The following AOPEP variants were observed in gnomAD, a reference collection of about 807,000 sequenced individuals.
AOPEP encodes the protein aminopeptidase O (putative), also known as aminopeptidase O.
AOPEP carries 77 observed loss-of-function variants against 98.1 expected under a neutral mutation model. The observed-to-expected ratio is 0.78, with a 90% CI of 0.65 to 0.95. The LOEUF (loss-of-function observed/expected upper bound fraction) is 0.95, where lower values mean the gene tolerates loss of function less well. Among genes scored for constraint, AOPEP ranks in the 40% least tolerant of loss-of-function variants. The probability of loss-of-function intolerance (pLI) is 0.00; values close to 1 mark genes in which losing one functional copy is unlikely to be tolerated. For missense variants in AOPEP, 1,024 were observed against 1,024.7 expected, an observed-to-expected ratio of 1.00 and a Z score of 0.01; for synonymous variants, 346 against 365.3, an observed-to-expected ratio of 0.95 and a Z score of 0.60.
the AOPEP span, among the ~76,000 whole-genome samples, chr9:95,138,292 T>C: frequency 1.3e-5 from 2 of 152,278 alleles, no homozygotes; most frequent in East Asian, 3.9e-4. Context: ...AGCAGAACAG[T>C]GGGCAGCTTT....
rs557537763 is a variant in AOPEP at position 95,057,228 on chromosome 9, G to A, written c.2116-3466G>A. On this transcript the variant is annotated intron_variant, in intron 13 of 16. Coordinates refer to ENST00000375315, the MANE Select transcript of AOPEP (RefSeq NM_001193329.3). The stretch of plus-strand genomic sequence containing the variant: ...ACGACCAAAGCCTTATCTCTCTCCC[G>A]CCAGTGCTGCTGTATTAAACACAGC... Among the ~76,000 whole-genome samples, 5 of 152,246 alleles carry A rather than the reference G, an allele frequency of 3.3e-5. No homozygotes were observed. In the South Asian group the frequency reaches 8.3e-4, roughly 25 times the overall value.
At chr9:94,961,130 A>T (rs1248338085) in intron 9 of AOPEP, among the ~76,000 whole-genome samples, 1 of 152,084 alleles carries the variant, frequency 6.6e-6, no homozygotes, top group African/African-American at 2.4e-5. Flanking sequence ...GACATGGCTC[A>T]GCTGCTTTCT....
chr9:94,751,380 G>A (rs759798255), intron 1 of AOPEP, among the ~76,000 whole-genome samples: 8 of 152,118 alleles, frequency 5.3e-5, no homozygotes, highest in Non-Finnish European at 1.0e-4. Flanking sequence ...AAATAATCAA[G>A]CAGACACATG....
At chr9:94,887,222 C>T (rs925752186) in intron 5 of AOPEP, among the ~76,000 whole-genome samples, 1 of 151,994 alleles carries the variant, frequency 6.6e-6, no homozygotes, top group African/African-American at 2.4e-5. Context: ...GTGGCATGCA[C>T]CTGTAGTCCC....
intron 14 of AOPEP, among the ~76,000 whole-genome samples, chr9:95,072,056 G>A (rs1202948258): frequency 1.3e-5 from 2 of 152,174 alleles, no homozygotes; most frequent in East Asian, 1.9e-4. Context: ...CATCATGTTG[G>A]TGGATGTTGG....
At chr9:94,936,979 TC>T (rs984921682) in intron 7 of AOPEP, among the ~76,000 whole-genome samples, 17 of 152,200 alleles carry the variant, frequency 1.1e-4, no homozygotes, top group Admixed American at 5.9e-4. Context: ...TGTGCCCCTT[TC>T]CCTGCGTTCA....
At chr9:95,028,363 T>G (rs1434535541) in intron 13 of AOPEP, among the ~76,000 whole-genome samples, 1 of 152,190 alleles carries the variant, frequency 6.6e-6, no homozygotes, top group East Asian at 1.9e-4. Flanking sequence ...CGTGGGTGTA[T>G]GGAGTCCAGG....
chr9:95,106,202 C>T, the AOPEP span, among the ~76,000 whole-genome samples: 1 of 152,198 alleles, frequency 6.6e-6, no homozygotes, highest in Non-Finnish European at 1.5e-5. Flanking sequence ...CTTTCCCTGA[C>T]CACTCATGCC....
chr9:95,107,564 A>C, the AOPEP span: 1 of 505,932 alleles, frequency 2.0e-6, no homozygotes, highest in East Asian at 3.4e-5. Context: ...GAATGTAGTC[A>C]GATTTTTATA....
intron 10 of AOPEP, among the ~76,000 whole-genome samples, chr9:94,979,114 A>G (rs776409612): frequency 1.3e-5 from 2 of 152,188 alleles, no homozygotes; most frequent in Non-Finnish European, 2.9e-5. Context: ...CTTTCAAAGC[A>G]CTGAAAGCAC....
At chr9:95,068,451 C>G (rs904573837) in intron 14 of AOPEP, among the ~76,000 whole-genome samples, 5 of 152,250 alleles carry the variant, frequency 3.3e-5, no homozygotes, top group Admixed American at 6.5e-5. Flanking sequence ...TGCATATTGA[C>G]CATTTGCATA....
In AOPEP at chr9:94,759,777, C is replaced by A; in HGVS notation, c.-7C>A. 6.2e-7 allele frequency: 1 copy of A among 1,604,596 alleles called. No homozygotes were observed. Among genetic ancestry groups the A allele is most frequent in the Admixed American group, 1.7e-5 (1 of 58,122 alleles). ...TTTAATAAATCCCTCAAACAATAAA[C>A]CACATCATGGACATACAGCTGGACC... On this transcript the variant is annotated 5_prime_UTR_variant, in exon 2 of 17. Transcript: ENST00000375315.
the AOPEP span, among the ~76,000 whole-genome samples, chr9:95,147,120 A>T: frequency 1.3e-5 from 2 of 151,992 alleles, no homozygotes; most frequent in Non-Finnish European, 2.9e-5. Context: ...TTTGAAAAGT[A>T]ACATTTATTT....
the AOPEP span, among the ~76,000 whole-genome samples, chr9:95,106,863 C>CT: frequency 1.3e-5 from 2 of 152,312 alleles, no homozygotes; most frequent in East Asian, 1.9e-4. Flanking sequence ...CTCTGAGCCT[C>CT]TGTTTTCTCT....
At chr9:94,904,194 A>C (rs898985185) in intron 5 of AOPEP, 3 of 152,156 alleles carry the variant, frequency 2.0e-5, no homozygotes, top group Non-Finnish European at 4.4e-5. Flanking sequence ...AAGCCTGACC[A>C]AGGCATTCAT....
downstream of AOPEP, among the ~76,000 whole-genome samples, chr9:95,092,056 CTGTGTGTGTG>C (rs112458654): frequency 1.1e-4 from 16 of 149,322 alleles, no homozygotes; most frequent in African/African-American, 3.7e-4. Context: ...CTGTTGAAGG[CTGTGTGTGTG>C]TGTGTGTGTG....
the AOPEP span, chr9:95,111,553 C>CATCAGTA: frequency 6.2e-7 from 1 of 1,614,172 alleles, no homozygotes. Flanking sequence ...CGGCTGCCGA[C>CATCAGTA]ATCAGTAATT....
At chr9:94,759,312 C>T (rs1837744706) in intron 1 of AOPEP, among the ~76,000 whole-genome samples, 1 of 152,194 alleles carries the variant, frequency 6.6e-6, no homozygotes, top group African/African-American at 2.4e-5. Context: ...AGAAGGGATA[C>T]ATTTAATATC....
At chr9:95,114,540 C>T in the AOPEP span, 1 of 1,173,220 alleles carries the variant, frequency 8.5e-7, no homozygotes, top group Non-Finnish European at 1.3e-6. Flanking sequence ...CCAGTAATGC[C>T]TTCCTCTGTC....
Sources: gnomAD v4.1 joint callset for allele counts (sites outside exome capture counted in the v4.1 genomes callset) on GRCh38, gnomAD v4.1.1 for gene constraint, MANE v1.5 for transcripts, NCBI Gene and HGNC (gene_info 2026-07-23, HGNC 2026-07-21) for gene names.